The following PRPSAP2 variants were observed in gnomAD, a reference collection of about 807,000 sequenced individuals.
PRPSAP2 encodes phosphoribosyl pyrophosphate synthetase associated protein 2.
PRPSAP2 carries 24 observed loss-of-function variants against 40.6 expected under a neutral mutation model. That is an observed-to-expected ratio of 0.59 (90% confidence interval 0.43 to 0.83). The LOEUF (loss-of-function observed/expected upper bound fraction) is 0.83. PRPSAP2 is among the 40% of genes least tolerant of loss of function. The pLI, the probability that PRPSAP2 is intolerant of heterozygous loss-of-function variation, is 0.00. For synonymous variants in PRPSAP2, 149 were observed against 164.7 expected, an observed-to-expected ratio of 0.90 and a Z score of 0.73; for missense variants, 292 against 465.6, an observed-to-expected ratio of 0.63 and a Z score of 3.43.
chr17:18,893,414 A>C (rs910684813), intron 8 of PRPSAP2, among the ~76,000 whole-genome samples: 10 of 151,488 alleles, frequency 6.6e-5, no homozygotes, highest in Non-Finnish European at 1.5e-4. Flanking sequence ...CTCCCCAATC[A>C]ATTTATCTTT....
intron 8 of PRPSAP2, among the ~76,000 whole-genome samples, chr17:18,896,899 C>T (rs1186342818): frequency 6.6e-6 from 1 of 152,078 alleles, no homozygotes; most frequent in African/African-American, 2.4e-5. Context: ...TTGTCTTTTG[C>T]AGAACTGGAG....
At chr17:18,908,920 C>T in intron 8 of PRPSAP2, 1 of 417,956 alleles carries the variant, frequency 2.4e-6, no homozygotes, top group Non-Finnish European at 4.5e-6. Context: ...AAATTTTACC[C>T]TGCCCCTCCT....
At chr17:18,883,429 G>A (rs1377579667) in intron 7 of PRPSAP2, among the ~76,000 whole-genome samples, 1 of 145,216 alleles carries the variant, frequency 6.9e-6, no homozygotes, top group East Asian at 2.0e-4. Context: ...GGTGGGGGGT[G>A]TGATGGAGTC....
chr17:18,880,450 G>T (rs1376570208), intron 6 of PRPSAP2, among the ~76,000 whole-genome samples: 5 of 152,080 alleles, frequency 3.3e-5, no homozygotes, highest in Non-Finnish European at 5.9e-5. Context: ...CCGGGCTGGG[G>T]TGCAGTGGTG....
chr17:18,928,570 G>C, intron 10 of PRPSAP2: 1 of 499,214 alleles, frequency 2.0e-6, no homozygotes, highest in South Asian at 1.9e-5. Context: ...GGAGCCTGGA[G>C]TGTGGTGGGA....
At chr17:18,900,345 A>T (rs6502677) in intron 8 of PRPSAP2, among the ~76,000 whole-genome samples, 2 of 151,752 alleles carry the variant, frequency 1.3e-5, no homozygotes, top group African/African-American at 4.8e-5. Flanking sequence ...TATACCTTCT[A>T]TTTTTTTGTC....
At chr17:18,893,225 T>C (rs2039689603) in intron 8 of PRPSAP2, among the ~76,000 whole-genome samples, 1 of 149,340 alleles carries the variant, frequency 6.7e-6, no homozygotes, top group Admixed American at 6.8e-5. Context: ...CTCAGCTCAC[T>C]GCAACCTCTG....
intron 7 of PRPSAP2, among the ~76,000 whole-genome samples, chr17:18,884,540 G>T (rs1040268810): frequency 6.6e-6 from 1 of 152,002 alleles, no homozygotes; most frequent in Non-Finnish European, 1.5e-5. Flanking sequence ...GAATCTTGCT[G>T]TGTTACCCAG....
At chr17:18,873,937 C>T (rs983097692) in intron 5 of PRPSAP2, among the ~76,000 whole-genome samples, 2 of 151,604 alleles carry the variant, frequency 1.3e-5, no homozygotes, top group African/African-American at 4.9e-5. Context: ...TAGAGTCTTG[C>T]TCTGTTGTCC....
At chr17:18,867,798 C>G in intron 4 of PRPSAP2, among the ~76,000 whole-genome samples, 1 of 152,142 alleles carries the variant, frequency 6.6e-6, no homozygotes, top group East Asian at 1.9e-4. Context: ...CTAATTGATA[C>G]ATGTCATTAC....
rs569565758 is a variant in PRPSAP2 at position 18,869,846 on chromosome 17, G to T, written c.172+2512G>T. On this transcript the variant is annotated intron_variant, in intron 4 of 11. Coordinates refer to ENST00000268835, the MANE Select transcript of PRPSAP2 (RefSeq NM_002767.4). ...TCCCATTTTGCTACTTTTTTTTTGT[G>T]TGTGTGTGTGTGTGTGTGTGAGACA... Among the ~76,000 whole-genome samples the T allele has an allele frequency of 2.9e-3, 419 of 142,680 alleles. 3 individuals are homozygous for T. Among genetic ancestry groups the T allele is most frequent in the African/African-American group, 4.4e-3 (168 of 38,104 alleles). The allele number at this position is 142,680 out of a possible 152,430, so 93.6% of individuals were successfully genotyped here.
At chr17:18,860,319 G>A (rs113285965) in intron 1 of PRPSAP2, among the ~76,000 whole-genome samples, 1,792 of 152,298 alleles carry the variant, frequency 0.012, 37 homozygotes, top group African/African-American at 0.041. Context: ...GCCTCCCAAA[G>A]TGCTGGGATT....
intron 8 of PRPSAP2, among the ~76,000 whole-genome samples, chr17:18,903,404 C>G (rs1348068915): frequency 1.3e-5 from 2 of 148,368 alleles, no homozygotes; most frequent in Admixed American, 6.6e-5. Flanking sequence ...TAAAATAACA[C>G]AGTCAAGGCT....
chr17:18,916,624 C>A (rs979985103), intron 9 of PRPSAP2, among the ~76,000 whole-genome samples: 4 of 151,920 alleles, frequency 2.6e-5, no homozygotes, highest in African/African-American at 9.7e-5. Context: ...TCAGGTGATC[C>A]GTCCACCTCA....
At chr17:18,880,722 A>G (rs946500724) in intron 6 of PRPSAP2, among the ~76,000 whole-genome samples, 9 of 150,314 alleles carry the variant, frequency 6.0e-5, no homozygotes, top group Non-Finnish European at 1.2e-4. Flanking sequence ...TTGTTATCTT[A>G]AGACTGGACT....
At chr17:18,925,426 G>C (rs1390356626) in intron 10 of PRPSAP2, among the ~76,000 whole-genome samples, 1 of 152,044 alleles carries the variant, frequency 6.6e-6, no homozygotes, top group East Asian at 1.9e-4. Flanking sequence ...TTTTTTTCTT[G>C]TCTTTGATGT....
intron 8 of PRPSAP2, among the ~76,000 whole-genome samples, chr17:18,895,235 A>C (rs2151931466): frequency 6.6e-6 from 1 of 151,868 alleles, no homozygotes; most frequent in South Asian, 2.1e-4. Context: ...ATAGGTGTGC[A>C]CCACCATGCC....
At chr17:18,917,322 A>G (rs2041376505) in intron 9 of PRPSAP2, 1 of 151,584 alleles carries the variant, frequency 6.6e-6, no homozygotes, top group African/African-American at 2.4e-5. Context: ...AGTGGTTACA[A>G]TTTGGGGCTT....
chr17:18,929,306 G>A (rs1243410130), intron 11 of PRPSAP2, among the ~76,000 whole-genome samples: 3 of 151,890 alleles, frequency 2.0e-5, no homozygotes, highest in African/African-American at 4.8e-5. Context: ...GCAGTGAGCC[G>A]AGATTGTGCC....
Sources: allele counts gnomAD v4.1 joint callset (sites outside exome capture counted in the v4.1 genomes callset), GRCh38; gene constraint gnomAD v4.1.1; transcripts MANE v1.5; gene names NCBI Gene and HGNC (gene_info 2026-07-23, HGNC 2026-07-21).